Variants in GTF2A1 observed in about 807,000 individuals in gnomAD.
GTF2A1 encodes the protein transcription initiation factor IIA subunit 1.
A neutral mutation model predicts 54.1 loss-of-function variants in GTF2A1; 12 were observed. That is an observed-to-expected ratio of 0.22 (90% CI 0.14 to 0.36). The LOEUF (loss-of-function observed/expected upper bound fraction) is 0.36, where lower values mean the gene tolerates loss of function less well. Among genes scored for constraint, GTF2A1 ranks in the 10% least tolerant of loss-of-function variants. GTF2A1 has a pLI of 1.00. For synonymous variants in GTF2A1, 145 were observed against 152.0 expected (o/e 0.95, Z 0.34); for missense variants, 335 against 442.2 (o/e 0.76, Z 2.17).
rs1893167672 is a variant in GTF2A1, at chr14:81,203,843, T to A, written c.337+57A>T. On this transcript the variant is annotated intron_variant, in intron 3 of 8. Transcript: ENST00000553612. ...AAAAAATGCAGAATATTTCTCTTCT[T>A]TCATAATGACAAACTTAATTTCCAA... 14 of 1,414,690 alleles carry A rather than the reference T, an allele frequency of 9.9e-6. No individual in the cohort carries two copies. In the South Asian group the frequency reaches 1.6e-4, roughly 16 times the overall value. The allele number at this position is 1,414,690 out of a possible 1,614,324, so 87.6% of individuals were successfully genotyped here.
At chr14:81,202,124 C>CA (rs555702873) in intron 3 of GTF2A1, among the ~76,000 whole-genome samples, 19,132 of 141,992 alleles carry the variant, frequency 0.13, 2,243 homozygotes, top group African/African-American at 0.33. Context: ...GGTTCCATAT[C>CA]AAAAAAAAAA....
intron 8 of GTF2A1, among the ~76,000 whole-genome samples, chr14:81,182,070 T>G (rs1235938538): frequency 6.6e-6 from 1 of 152,148 alleles, no homozygotes; most frequent in Non-Finnish European, 1.5e-5. Context: ...CAACTTCCAT[T>G]TATTGATCCT....
At chr14:81,213,112 C>G (rs1893409069) in intron 2 of GTF2A1, among the ~76,000 whole-genome samples, 1 of 152,170 alleles carries the variant, frequency 6.6e-6, no homozygotes, top group African/African-American at 2.4e-5. Context: ...CAGTTAGATT[C>G]AGGTGCCGTA....
Position 81,217,429 on chromosome 14 carries a change from G to C in GTF2A1, c.31-915C>G, listed in dbSNP as rs114143433. Among the ~76,000 whole-genome samples the C allele has an allele frequency of 8.7e-3, 1,326 of 152,296 alleles. 15 individuals carry two copies. Among genetic ancestry groups the C allele is most frequent in the African/African-American group, 0.031 (1,272 of 41,562 alleles). On this transcript the variant is annotated intron_variant, in intron 1 of 8. Coordinates refer to ENST00000553612, the MANE Select transcript of GTF2A1 (RefSeq NM_015859.4). ...CATGTCAGATGACAAAACTAGAGCT[G>C]CCTTGACAAAACTAGAGTTGCCTGG...
chr14:81,201,921 A>G (rs1490565097), intron 3 of GTF2A1, among the ~76,000 whole-genome samples: 2 of 152,178 alleles, frequency 1.3e-5, no homozygotes, highest in Non-Finnish European at 2.9e-5. Context: ...GCACTTTGGG[A>G]GGCCAAGGCG....
At chr14:81,185,482 A>G (rs202117855) in intron 8 of GTF2A1, 49 bp downstream of exon 8, 14 of 1,007,734 alleles carry the variant, frequency 1.4e-5, no homozygotes, top group Non-Finnish European at 2.2e-5. Context: ...AATGTAGGGA[A>G]GAAATTACAA....
intron 4 of GTF2A1, among the ~76,000 whole-genome samples, chr14:81,199,451 CTATAT>C (rs1386397882): frequency 3.9e-5 from 6 of 152,282 alleles, no homozygotes; most frequent in African/African-American, 1.4e-4. Flanking sequence ...TAGCCTTCTA[CTATAT>C]TATCTCACGT....
intron 2 of GTF2A1, among the ~76,000 whole-genome samples, chr14:81,205,860 T>C (rs1893217770): frequency 6.6e-6 from 1 of 152,170 alleles, no homozygotes; most frequent in Non-Finnish European, 1.5e-5. Flanking sequence ...GCATCTAGAA[T>C]AGCGCACCAT....
chr14:81,193,480 A>G lies in GTF2A1; in HGVS notation c.613-641T>C, dbSNP rs190875095. Among the ~76,000 whole-genome samples the G allele has an allele frequency of 8.6e-4, 131 of 152,274 alleles. 1 individual carries two copies. Among genetic ancestry groups the G allele is most frequent in the African/African-American group, 3.1e-3 (128 of 41,570 alleles). On this transcript the variant is annotated intron_variant, in intron 6 of 8. Transcript: ENST00000553612. ...GGCCAACCTGGGTCTACTTTTGTCT[A>G]AAGTCAGACATAAATACAGCAGACG...
intron 1 of GTF2A1, among the ~76,000 whole-genome samples, chr14:81,219,053 A>C (rs1163252806): frequency 6.6e-6 from 1 of 152,080 alleles, no homozygotes; most frequent in African/African-American, 2.4e-5. Context: ...CAGTTTTTTA[A>C]ATTCCCGAAA....
intron 8 of GTF2A1, among the ~76,000 whole-genome samples, chr14:81,184,429 G>A (rs1478000041): frequency 6.6e-6 from 1 of 152,128 alleles, no homozygotes; most frequent in Non-Finnish European, 1.5e-5. Flanking sequence ...ATGGTTTTAA[G>A]AACAGTCTCT....
intron 6 of GTF2A1, among the ~76,000 whole-genome samples, chr14:81,193,854 C>T (rs28701728): frequency 0.01 from 1,527 of 152,180 alleles, 25 homozygotes; most frequent in African/African-American, 0.035. Flanking sequence ...AAATAAGACA[C>T]AGTATTTCCT....
intron 2 of GTF2A1, among the ~76,000 whole-genome samples, chr14:81,207,288 G>C (rs1893258254): frequency 6.6e-6 from 1 of 152,062 alleles, no homozygotes; most frequent in Admixed American, 6.6e-5. Flanking sequence ...TTGAACCATG[G>C]GGGCCGGTCT....
At chr14:81,208,549 G>A (rs1053322015) in intron 2 of GTF2A1, among the ~76,000 whole-genome samples, 18 of 152,216 alleles carry the variant, frequency 1.2e-4, no homozygotes, top group African/African-American at 4.3e-4. Flanking sequence ...GTGGAGCTGT[G>A]AGAAGAGGGC....
At chr14:81,181,981 T>C (rs1004395032) in intron 8 of GTF2A1, among the ~76,000 whole-genome samples, 1 of 152,180 alleles carries the variant, frequency 6.6e-6, no homozygotes, top group African/African-American at 2.4e-5. Context: ...AGCAAAGAAT[T>C]TCAAATTAAG....
rs1892989321 is a variant in GTF2A1 at position 81,196,159 on chromosome 14, C to A, written c.561G>T (p.Gln187His). The A allele has an allele frequency of 6.2e-7, 1 of 1,613,630 alleles. No homozygotes were observed. The highest frequency in any genetic ancestry group is 1.3e-5 in the African/African-American group (1 of 74,896). Residue 187 changes from glutamine (Q) to histidine (H), a missense_variant, in exon 6 of 9, where the codon CAG becomes CAT. Physicochemically the swap from Gln to His is conservative, Grantham distance 24. Coordinates refer to ENST00000553612, the MANE Select transcript of GTF2A1 (RefSeq NM_015859.4). ...QPQQSVVLQQ[Q>H]VIPQMQPGGV... ...CACCAGGCTGCATTTGTGGTATAACCTGTTGTTGTAGAACCACTGACTGCT... is the reference window on the plus strand; with the variant it reads ...CACCAGGCTGCATTTGTGGTATAACATGTTGTTGTAGAACCACTGACTGCT...
At chr14:81,187,057 T>G (rs1451707606) in intron 7 of GTF2A1, among the ~76,000 whole-genome samples, 3 of 152,010 alleles carry the variant, frequency 2.0e-5, no homozygotes, top group Admixed American at 6.6e-5. Flanking sequence ...CAATGTAAAA[T>G]GAAAAAAATT....
chr14:81,207,441 C>T (rs920670842), intron 2 of GTF2A1, among the ~76,000 whole-genome samples: 2 of 152,170 alleles, frequency 1.3e-5, no homozygotes, highest in African/African-American at 4.8e-5. Flanking sequence ...CCATGTGGAA[C>T]TGTAAGTCCA....
intron 6 of GTF2A1, among the ~76,000 whole-genome samples, chr14:81,195,419 G>A (rs1305759665): frequency 1.3e-5 from 2 of 151,570 alleles, no homozygotes; most frequent in African/African-American, 2.4e-5. Flanking sequence ...GGATCACAAG[G>A]TAAGGAGATA....
Sources: gnomAD v4.1 joint callset for allele counts (sites outside exome capture counted in the v4.1 genomes callset) on GRCh38, gnomAD v4.1.1 for gene constraint, MANE v1.5 for transcripts, NCBI Gene and HGNC (gene_info 2026-07-23, HGNC 2026-07-21) for gene names.